Variants in SP4 observed in about 807,000 individuals in gnomAD.
SP4 encodes Sp4 transcription factor, also known as transcription factor Sp4.
A neutral mutation model predicts 72.8 loss-of-function variants in SP4; 19 were observed. That is an observed-to-expected ratio of 0.26 (90% confidence interval 0.18 to 0.38). The LOEUF (loss-of-function observed/expected upper bound fraction) is 0.38. Among genes scored for constraint, SP4 ranks in the 10% least tolerant of loss-of-function variants. The pLI is 1.00. For missense variants in SP4, 1,008 were observed against 926.3 expected, an observed-to-expected ratio of 1.09 and a Z score of -1.14; for synonymous variants, 395 against 333.1, an observed-to-expected ratio of 1.19 and a Z score of -2.02.
intron 3 of SP4, among the ~76,000 whole-genome samples, chr7:21,433,159 G>A (rs922156081): frequency 5.9e-5 from 9 of 152,194 alleles, no homozygotes; most frequent in African/African-American, 1.7e-4. Flanking sequence ...TCACAAGTGT[G>A]TATTGAGATG....
chr7:21,459,798 C>A (rs978976865), intron 3 of SP4, among the ~76,000 whole-genome samples: 1 of 152,206 alleles, frequency 6.6e-6, no homozygotes, highest in Non-Finnish European at 1.5e-5. Context: ...AACTGCATAT[C>A]CATTTCTTTG....
intron 3 of SP4, among the ~76,000 whole-genome samples, chr7:21,458,297 A>G (rs530987142): frequency 7.9e-5 from 12 of 152,134 alleles, no homozygotes; most frequent in East Asian, 1.9e-4. Flanking sequence ...GGTTCAAGCA[A>G]TTCTTCCGCC....
chr7:21,459,341 G>A (rs190518615), intron 3 of SP4, among the ~76,000 whole-genome samples: 1,532 of 152,148 alleles, frequency 0.01, 30 homozygotes, highest in African/African-American at 0.035. Flanking sequence ...GGCTGGTATC[G>A]ATCTCCTGAC....
intron 5 of SP4, among the ~76,000 whole-genome samples, chr7:21,507,182 T>C (rs1327882752): frequency 6.6e-6 from 1 of 152,152 alleles, no homozygotes; most frequent in African/African-American, 2.4e-5. Context: ...TAGGAGTGGT[T>C]TCATTTTTTT....
chr7:21,497,066 C>A (rs986305062), intron 5 of SP4, among the ~76,000 whole-genome samples: 1 of 152,258 alleles, frequency 6.6e-6, no homozygotes. Flanking sequence ...ATTGTTTGTC[C>A]CAATTATTAT....
At chr7:21,479,134 C>G (rs2128410317) in intron 4 of SP4, among the ~76,000 whole-genome samples, 1 of 150,922 alleles carries the variant, frequency 6.6e-6, no homozygotes, top group Non-Finnish European at 1.5e-5. Flanking sequence ...TGTATACTTT[C>G]TTGATAGTGC....
intron 3 of SP4, among the ~76,000 whole-genome samples, chr7:21,438,480 T>A (rs1284018505): frequency 6.6e-6 from 1 of 152,190 alleles, no homozygotes; most frequent in East Asian, 1.9e-4. Context: ...TATATTTCTG[T>A]TCATTCTTAA....
At chr7:21,438,042 T>G (rs1305385843) in intron 3 of SP4, among the ~76,000 whole-genome samples, 1 of 151,956 alleles carries the variant, frequency 6.6e-6, no homozygotes, top group Non-Finnish European at 1.5e-5. Context: ...ATAATTTTGT[T>G]TGGCCCTGGA....
At chr7:21,431,107 A>C (rs951707229) in intron 3 of SP4, among the ~76,000 whole-genome samples, 1 of 152,218 alleles carries the variant, frequency 6.6e-6, no homozygotes, top group African/African-American at 2.4e-5. Context: ...TCTGATTAGA[A>C]TCATAATTGC....
chr7:21,481,322 G>C (rs558581719), intron 4 of SP4, among the ~76,000 whole-genome samples: 3 of 152,294 alleles, frequency 2.0e-5, no homozygotes, highest in Non-Finnish European at 4.4e-5. Context: ...AGTCTCTAAT[G>C]TTCCTGTGTG....
intron 1 of SP4, 147 bp downstream of exon 1, chr7:21,428,405 AG>A: frequency 1.5e-6 from 1 of 686,210 alleles, no homozygotes; most frequent in Non-Finnish European, 2.7e-6. Context: ...CGGGGAGGGA[AG>A]GAGGGTTGTG....
chr7:21,475,170 A>AGT (rs1272439026), intron 3 of SP4, among the ~76,000 whole-genome samples: 2 of 149,704 alleles, frequency 1.3e-5, no homozygotes, highest in African/African-American at 4.9e-5. Flanking sequence ...GCTGGAGTGC[A>AGT]GTGGCACAAT....
At chr7:21,455,638 C>A (rs907946604) in intron 3 of SP4, among the ~76,000 whole-genome samples, 1 of 152,104 alleles carries the variant, frequency 6.6e-6, no homozygotes, top group Non-Finnish European at 1.5e-5. Flanking sequence ...ATGAACAGGG[C>A]CCCCCAGTTC....
At chr7:21,504,386 A>T (rs1781942761) in intron 5 of SP4, among the ~76,000 whole-genome samples, 1 of 152,184 alleles carries the variant, frequency 6.6e-6, no homozygotes, top group Non-Finnish European at 1.5e-5. Flanking sequence ...AAGGAGCTTT[A>T]TGGCCGGGTT....
rs1163535773 is a variant in SP4, at chr7:21,430,461, G to A, written c.1296G>A (p.Thr432=). The A allele has an allele frequency of 4.3e-6, 7 of 1,614,160 alleles. No individual in the cohort carries two copies. The highest frequency in any genetic ancestry group is 3.3e-5 in the Admixed American group (2 of 60,024). ...CGTTTCAACTCCAGTCAGGGCAGAC[G>A]ATTCAGACCATCCAGCAGCAGCCTT... The part of the protein sequence containing the change: ...PQSFQLQSGQ[T]IQTIQQQPLQ... Residue 432 remains threonine (T), a synonymous_variant, in exon 3 of 6, where the codon ACG becomes ACA. Coordinates refer to ENST00000222584, the MANE Select transcript of SP4 (RefSeq NM_003112.5).
chr7:21,500,330 C>G (rs939116618), intron 5 of SP4, among the ~76,000 whole-genome samples: 1 of 152,106 alleles, frequency 6.6e-6, no homozygotes, highest in East Asian at 1.9e-4. Context: ...AAGGTTATAT[C>G]ATATGTAACT....
rs11300598 is a variant in SP4, at chr7:21,442,038, A to AT, written c.1678+11213dup. ...TGTGTGTGTGTGTGTGTGTGTGTGT[A>AT]TTTTTTTTTTTTTTTTTTGAAACGG... On this transcript the variant is annotated intron_variant, in intron 3 of 5. Coordinates refer to ENST00000222584, the MANE Select transcript of SP4 (RefSeq NM_003112.5). Among the ~76,000 whole-genome samples the AT allele has an allele frequency of 8.9e-3, 829 of 93,288 alleles. 12 individuals are homozygous for AT. Among genetic ancestry groups the AT allele is most frequent in the South Asian group, 0.014 (35 of 2,524 alleles). 61.2% of individuals were successfully genotyped at this position (93,288 alleles called of 152,430 possible).
chr7:21,434,640 A>G (rs1354329042), intron 3 of SP4, among the ~76,000 whole-genome samples: 1 of 152,168 alleles, frequency 6.6e-6, no homozygotes, highest in African/African-American at 2.4e-5. Flanking sequence ...TAGGGGGTAC[A>G]AGTGCGGTTG....
intron 3 of SP4, among the ~76,000 whole-genome samples, chr7:21,453,710 A>G (rs1449655447): frequency 2.0e-5 from 3 of 152,222 alleles, no homozygotes; most frequent in African/African-American, 7.2e-5. Flanking sequence ...TAGACCTTTT[A>G]TAACCCTTTA....
Sources: allele counts gnomAD v4.1 joint callset (sites outside exome capture counted in the v4.1 genomes callset), GRCh38; gene constraint gnomAD v4.1.1; transcripts MANE v1.5; gene names NCBI Gene and HGNC (gene_info 2026-07-23, HGNC 2026-07-21).